KIAA0319: variants seen among roughly 807,000 people sequenced by gnomAD.
The protein encoded by KIAA0319 is dyslexia-associated protein KIAA0319.
In KIAA0319, 83 loss-of-function variants were observed where a neutral mutation model predicts 108.4. The ratio of observed to expected loss-of-function variants is 0.77; its 90% CI spans 0.64 to 0.92. The LOEUF (loss-of-function observed/expected upper bound fraction) is 0.92, where lower values mean the gene tolerates loss of function less well. KIAA0319 is among the 40% of genes least tolerant of loss of function. KIAA0319 has a pLI of 0.00. For missense variants in KIAA0319, 1,195 were observed against 1,322.4 expected, an observed-to-expected ratio of 0.90 and a Z score of 1.49; for synonymous variants, 484 against 510.4, an observed-to-expected ratio of 0.95 and a Z score of 0.70.
intron 13 of KIAA0319, among the ~76,000 whole-genome samples, chr6:24,568,086 C>T (rs1412057486): frequency 1.3e-5 from 2 of 152,210 alleles, no homozygotes; most frequent in South Asian, 2.1e-4. Flanking sequence ...AAGCATGGCC[C>T]GTGGCACATA....
chr6:24,547,297 G>A lies in KIAA0319; in HGVS notation c.3087C>T (p.Ser1029=), dbSNP rs533758509. The A allele has an allele frequency of 1.7e-5, 28 of 1,613,978 alleles. No individual in the cohort carries two copies. The highest frequency in any genetic ancestry group is 4.5e-5 in the East Asian group (2 of 44,898). The change falls in exon 21 of 21, where the codon TCC becomes TCT. Residue 1029 remains serine, a synonymous_variant. Coordinates refer to ENST00000378214, the MANE Select transcript of KIAA0319 (RefSeq NM_014809.4). ...STEHNSSLMV[S]ESEFDSDQDT... ...CCTGGTCACTGTCAAACTCAGACTC[G>A]GATACCATCAGGCTGGAGTTGTGCT...
At chr6:24,579,091 C>T (rs529071313) in intron 8 of KIAA0319, among the ~76,000 whole-genome samples, 5 of 152,238 alleles carry the variant, frequency 3.3e-5, no homozygotes, top group South Asian at 2.1e-4. Context: ...CCAAGGCAAC[C>T]GTTCTTCCTC....
chr6:24,631,227 A>C (rs189632384), intron 1 of KIAA0319, among the ~76,000 whole-genome samples: 1 of 152,304 alleles, frequency 6.6e-6, no homozygotes, highest in East Asian at 1.9e-4. Flanking sequence ...ATCAGCCACT[A>C]CTTTGACAAA....
At chr6:24,643,426 A>T (rs894360877) in intron 1 of KIAA0319, among the ~76,000 whole-genome samples, 8 of 152,102 alleles carry the variant, frequency 5.3e-5, no homozygotes, top group African/African-American at 9.7e-5. Context: ...CTAAATCTAT[A>T]AAAAAAATTT....
chr6:24,622,205 C>T (rs1774049953), intron 1 of KIAA0319, among the ~76,000 whole-genome samples: 1 of 151,588 alleles, frequency 6.6e-6, no homozygotes. Flanking sequence ...GCAAGCCTCA[C>T]ATGAATCAAT....
At chr6:24,633,171 G>C (rs1775789665) in intron 1 of KIAA0319, among the ~76,000 whole-genome samples, 1 of 152,114 alleles carries the variant, frequency 6.6e-6, no homozygotes, top group Non-Finnish European at 1.5e-5. Context: ...ACACTGTGAG[G>C]CTGGTGAAGG....
At chr6:24,568,105 C>T (rs1764153977) in intron 13 of KIAA0319, among the ~76,000 whole-genome samples, 1 of 152,222 alleles carries the variant, frequency 6.6e-6, no homozygotes, top group Non-Finnish European at 1.5e-5. Context: ...TACAACCCTC[C>T]ATGGCAGAGC....
chr6:24,563,487 G>C lies in KIAA0319; in HGVS notation c.2463C>G (p.Thr821=). The part of the protein sequence containing the change: ...DPRKSGLVEL[T]LQVGVGQLTE... ...TCAGCTGCCCAACACCAACCTGCAG[G>C]GTCAGCTCCACCAGGCCACTCTTCC... The change falls in exon 16 of 21, where the codon ACC becomes ACG. Residue 821 remains threonine (T), a synonymous_variant. Coordinates refer to ENST00000378214, the MANE Select transcript of KIAA0319 (RefSeq NM_014809.4). 1 of 1,612,318 alleles carries C rather than the reference G, an allele frequency of 6.2e-7. No homozygotes were observed.
rs529393700 is a variant in KIAA0319 at position 24,553,426 on chromosome 6, A to G, written c.2948+1115T>C. On this transcript the variant is annotated intron_variant, in intron 19 of 20. Coordinates refer to ENST00000378214, the MANE Select transcript of KIAA0319 (RefSeq NM_014809.4). ...ACGGCCCTTGTTATAATGCTGGGGCACTTTAGGCCTCAGAAAACAGAATCT... is the reference window on the plus strand; with the variant it reads ...ACGGCCCTTGTTATAATGCTGGGGCGCTTTAGGCCTCAGAAAACAGAATCT... Among the ~76,000 whole-genome samples, 421 of 150,912 alleles carry G rather than the reference A, an allele frequency of 2.8e-3. 3 individuals carry two copies. The highest frequency in any genetic ancestry group is 0.01 in the Middle Eastern group (3 of 292).
chr6:24,568,375 G>A (rs184582046), intron 13 of KIAA0319, among the ~76,000 whole-genome samples: 216 of 152,330 alleles, frequency 1.4e-3, no homozygotes, highest in Non-Finnish European at 2.3e-3. Context: ...CAGACAAGGA[G>A]ACAAGTACCT....
chr6:24,593,517 C>G (rs911349869), intron 3 of KIAA0319, among the ~76,000 whole-genome samples: 2 of 151,410 alleles, frequency 1.3e-5, no homozygotes, highest in Admixed American at 1.3e-4. Context: ...CTCAGCCTCC[C>G]GAGTAGCTGG....
chr6:24,596,654 C>T (rs1769660189), intron 2 of KIAA0319, 36 bp from the exon 3 acceptor site: 3 of 1,552,202 alleles, frequency 1.9e-6, no homozygotes, highest in South Asian at 2.4e-5. Flanking sequence ...GGGAGAGAGG[C>T]ATATCACAGG....
Position 24,600,686 on chromosome 6 carries a change from A to G in KIAA0319, c.55+363T>C, listed in dbSNP as rs191825597. ...GATGCTCACCAGTGATTTTTTTGCC[A>G]TGAGTGCATCCACCATAAGCAAACT... On this transcript the variant is annotated intron_variant, in intron 2 of 20. Coordinates refer to ENST00000378214, the MANE Select transcript of KIAA0319 (RefSeq NM_014809.4). The G allele has an allele frequency of 1.5e-5, 23 of 1,533,270 alleles. No homozygotes were observed. The East Asian group carries it at 3.9e-4, about 26-fold the overall frequency. 95.0% of individuals were successfully genotyped at this position (1,533,270 alleles called of 1,614,324 possible). A position where few individuals can be genotyped will look rare whatever the true frequency, so the allele number is the denominator to read the frequency against.
intron 3 of KIAA0319, among the ~76,000 whole-genome samples, chr6:24,590,830 A>G (rs915292775): frequency 3.9e-5 from 6 of 152,100 alleles, no homozygotes; most frequent in African/African-American, 1.4e-4. Context: ...TCAGTAATCC[A>G]CCCACAACCT....
At chr6:24,630,508 CAAA>C (rs66787757) in intron 1 of KIAA0319, among the ~76,000 whole-genome samples, 17,438 of 104,480 alleles carry the variant, frequency 0.17, 783 homozygotes, top group Non-Finnish European at 0.2. Flanking sequence ...GATTCTGTCT[CAAA>C]AAAAAAAAAA....
intron 1 of KIAA0319, among the ~76,000 whole-genome samples, chr6:24,603,366 A>G (rs996576043): frequency 5.3e-5 from 8 of 152,216 alleles, no homozygotes; most frequent in African/African-American, 1.7e-4. Flanking sequence ...TATTATTTCA[A>G]ATACATAACA....
In KIAA0319 at chr6:24,596,597, C is replaced by T; in HGVS notation, c.77G>A (p.Ser26Asn). The T allele has an allele frequency of 1.2e-6, 2 of 1,610,136 alleles. No homozygotes were observed. Among genetic ancestry groups the T allele is most frequent in the Non-Finnish European group, 1.7e-6 (2 of 1,177,400 alleles). ...TGCATTGGAATATGTCCTCCCCTCG[C>T]TGCACTGCTTACGGGCACAACCTTT... The part of the protein sequence containing the change: ...TIAGCARKQC[S>N]EGRTYSNAVI... The change falls in exon 3 of 21, where the codon AGC becomes AAC. Residue 26 changes from serine to asparagine, a missense_variant. Physicochemically the swap from Ser to Asn is conservative, Grantham distance 46. Transcript: ENST00000378214.
At chr6:24,612,400 C>T (rs1343795454) in intron 1 of KIAA0319, among the ~76,000 whole-genome samples, 2 of 149,824 alleles carry the variant, frequency 1.3e-5, no homozygotes, top group Admixed American at 1.3e-4. Context: ...GCAGTGTGCC[C>T]AGATTGTGCC....
At chr6:24,610,188 C>A (rs1772089127) in intron 1 of KIAA0319, among the ~76,000 whole-genome samples, 1 of 151,900 alleles carries the variant, frequency 6.6e-6, no homozygotes, top group African/African-American at 2.4e-5. Context: ...AATCAAAAAT[C>A]TAATAAGGGA....
Sources: gnomAD v4.1 joint callset for allele counts (sites outside exome capture counted in the v4.1 genomes callset) on GRCh38, gnomAD v4.1.1 for gene constraint, MANE v1.5 for transcripts, NCBI Gene and HGNC (gene_info 2026-07-23, HGNC 2026-07-21) for gene names.